AGFG1: variants seen among roughly 807,000 people sequenced by gnomAD.
AGFG1 encodes ArfGAP with FG repeats 1.
AGFG1 carries 10 observed loss-of-function variants against 60.6 expected under a neutral mutation model. The observed-to-expected ratio is 0.16, with a 90% confidence interval of 0.10 to 0.28. The LOEUF (loss-of-function observed/expected upper bound fraction) is 0.28, where lower values mean the gene tolerates loss of function less well. Ranked by LOEUF, AGFG1 falls within the 10% of genes least tolerant of loss-of-function variation. AGFG1 has a pLI of 1.00. For missense variants in AGFG1, 537 were observed against 676.5 expected (o/e 0.79, Z 2.29); for synonymous variants, 247 against 242.9 (o/e 1.02, Z -0.16).
rs143989711 is a variant in AGFG1, at chr2:227,533,741, T to C, written c.1007T>C (p.Ile336Thr). 2.0e-4 allele frequency: 320 copies of C among 1,613,572 alleles called. No individual in the cohort carries two copies. Among genetic ancestry groups the C allele is most frequent in the Admixed American group, 2.5e-4 (15 of 59,940 alleles). ...KYAALANLDN[I>T]FSAGQGGDQG... is the part of the protein sequence containing the mutation. The stretch of plus-strand genomic sequence containing the variant: ...GCAGCACTTGCTAATTTAGACAATA[T>C]CTTCAGTGCCGGGCAAGGTATCAAG... The change falls in exon 7 of 13, where the codon ATC (isoleucine) becomes ACC (threonine). Residue 336 changes from isoleucine (I) to threonine (T), a missense_variant. Coordinates refer to ENST00000310078, the MANE Select transcript of AGFG1 (RefSeq NM_004504.5).
At chr2:227,538,238 A>G (rs1692372204) in intron 10 of AGFG1, among the ~76,000 whole-genome samples, 1 of 152,204 alleles carries the variant, frequency 6.6e-6, no homozygotes, top group Non-Finnish European at 1.5e-5. Context: ...CTGTCATCAA[A>G]TAAATATTTT....
At chr2:227,476,515 C>T (rs1690284603) in intron 1 of AGFG1, among the ~76,000 whole-genome samples, 1 of 152,138 alleles carries the variant, frequency 6.6e-6, no homozygotes, top group African/African-American at 2.4e-5. Flanking sequence ...AAAGAGGTTG[C>T]CACTTTAATA....
At chr2:227,476,970 C>T (rs988690602) in intron 1 of AGFG1, among the ~76,000 whole-genome samples, 11 of 150,470 alleles carry the variant, frequency 7.3e-5, no homozygotes, top group South Asian at 2.1e-4. Flanking sequence ...GGTACGATCA[C>T]GGCTCACTGC....
intron 5 of AGFG1, among the ~76,000 whole-genome samples, chr2:227,529,107 C>T (rs7608104): frequency 0.6 from 90,904 of 151,844 alleles, 27,256 homozygotes; most frequent in South Asian, 0.7. Flanking sequence ...AATGTATATG[C>T]CTGTTACAAG....
chr2:227,526,517 C>CATG (rs775733863), intron 5 of AGFG1, among the ~76,000 whole-genome samples: 7 of 139,528 alleles, frequency 5.0e-5, no homozygotes, highest in Non-Finnish European at 1.1e-4. Flanking sequence ...GGATTACAGG[C>CATG]ATGAGCCACT....
At chr2:227,498,399 T>C (rs1691047221) in intron 2 of AGFG1, among the ~76,000 whole-genome samples, 1 of 152,184 alleles carries the variant, frequency 6.6e-6, no homozygotes, top group Non-Finnish European at 1.5e-5. Flanking sequence ...TTTGAGGGAA[T>C]AGCTTCCTAG....
intron 10 of AGFG1, among the ~76,000 whole-genome samples, chr2:227,538,338 T>A (rs1015750786): frequency 2.0e-5 from 3 of 152,244 alleles, no homozygotes; most frequent in Non-Finnish European, 4.4e-5. Context: ...GAATTCTGAT[T>A]TATAGTTACT....
intron 2 of AGFG1, among the ~76,000 whole-genome samples, chr2:227,498,028 A>G (rs1264260865): frequency 6.6e-6 from 1 of 152,096 alleles, no homozygotes; most frequent in Non-Finnish European, 1.5e-5. Flanking sequence ...ATCTGTGGGA[A>G]ATATCTGTTT....
Position 227,557,045 on chromosome 2 carries a change from C to T in AGFG1, c.*2550C>T, listed in dbSNP as rs1164765152. On this transcript the variant is annotated 3_prime_UTR_variant, in exon 13 of 13. Coordinates refer to ENST00000310078, the MANE Select transcript of AGFG1 (RefSeq NM_004504.5). ...TTAGACTTTTACATTTAGATTTATT[C>T]TAGTTTTATATAGACCATCAAAATT... 1 of 151,934 alleles carries T rather than the reference C, an allele frequency of 6.6e-6. No homozygotes were observed. Among genetic ancestry groups the T allele is most frequent in the Non-Finnish European group, 1.5e-5 (1 of 67,980 alleles). The allele number at this position is 151,934 out of a possible 1,614,324, so 9.4% of individuals were successfully genotyped here. A position where few individuals can be genotyped will look rare whatever the true frequency, so the allele number is the denominator to read the frequency against.
In AGFG1 at chr2:227,554,957, A is replaced by C. The variant is rs1033351940; in HGVS notation, c.*462A>C. 1.3e-5 allele frequency: 2 copies of C among 153,044 alleles called. No individual in the cohort carries two copies. The highest frequency in any genetic ancestry group is 2.1e-4 in the South Asian group (1 of 4,840). The allele number at this position is 153,044 out of a possible 1,614,324, so 9.5% of individuals were successfully genotyped here. A position where few individuals can be genotyped will look rare whatever the true frequency, so the allele number is the denominator to read the frequency against. The stretch of plus-strand genomic sequence containing the variant: ...ATTGCTACTGGAAAGTAACAGAGTC[A>C]AAATTGGAAGGTTTTATTCATTCTT... On this transcript the variant is annotated 3_prime_UTR_variant, in exon 13 of 13. Coordinates refer to ENST00000310078, the MANE Select transcript of AGFG1 (RefSeq NM_004504.5).
intron 2 of AGFG1, among the ~76,000 whole-genome samples, chr2:227,507,626 A>AAG (rs1691364035): frequency 6.7e-6 from 1 of 148,594 alleles, no homozygotes; most frequent in Non-Finnish European, 1.5e-5. Context: ...AAAAAAAAAA[A>AAG]GCGCCTTTTC....
chr2:227,522,875 A>G (rs1452027412), intron 3 of AGFG1, among the ~76,000 whole-genome samples: 1 of 152,200 alleles, frequency 6.6e-6, no homozygotes, highest in Non-Finnish European at 1.5e-5. Flanking sequence ...CTCCTCACAT[A>G]AATCATGTGT....
intron 2 of AGFG1, among the ~76,000 whole-genome samples, chr2:227,518,558 T>C (rs1316144526): frequency 1.3e-5 from 2 of 149,870 alleles, no homozygotes; most frequent in African/African-American, 4.9e-5. Context: ...AGTTTTGCTC[T>C]TGTCGCCCAG....
chr2:227,550,428 C>A (rs150938249), intron 10 of AGFG1, among the ~76,000 whole-genome samples: 14 of 152,068 alleles, frequency 9.2e-5, no homozygotes, highest in Non-Finnish European at 2.1e-4. Flanking sequence ...TATACCAAAC[C>A]ATTTTACTGC....
At chr2:227,482,197 T>G (rs1690491708) in intron 1 of AGFG1, among the ~76,000 whole-genome samples, 1 of 152,094 alleles carries the variant, frequency 6.6e-6, no homozygotes, top group South Asian at 2.1e-4. Context: ...ATGCCTTAAT[T>G]AGGTTTAAGT....
chr2:227,523,682 A>G (rs1691890430), intron 3 of AGFG1, 81 bp from the exon 4 acceptor site: 1 of 1,339,356 alleles, frequency 7.5e-7, no homozygotes, highest in Non-Finnish European at 1.0e-6. Context: ...AATCTTGTAC[A>G]AAGTTAGAAT....
At chr2:227,509,681 C>A (rs1204978407) in intron 2 of AGFG1, among the ~76,000 whole-genome samples, 1 of 150,710 alleles carries the variant, frequency 6.6e-6, no homozygotes, top group African/African-American at 2.4e-5. Context: ...GATGTGTTTC[C>A]ACTATCAACT....
intron 1 of AGFG1, among the ~76,000 whole-genome samples, chr2:227,489,120 T>C (rs1323972939): frequency 6.6e-5 from 10 of 151,640 alleles, no homozygotes; most frequent in Admixed American, 6.6e-4. Context: ...CGGCCACTTT[T>C]GGAAATTTGA....
intron 2 of AGFG1, among the ~76,000 whole-genome samples, chr2:227,500,209 C>G (rs1198559421): frequency 1.3e-5 from 2 of 152,150 alleles, no homozygotes; most frequent in East Asian, 3.8e-4. Context: ...GCAAGAACTT[C>G]TTGTTGATTT....
Sources: gnomAD v4.1 joint callset for allele counts (sites outside exome capture counted in the v4.1 genomes callset) on GRCh38, gnomAD v4.1.1 for gene constraint, MANE v1.5 for transcripts, NCBI Gene and HGNC (gene_info 2026-07-23, HGNC 2026-07-21) for gene names.